Variants in NIN observed in about 807,000 individuals in gnomAD.
NIN encodes the protein ninein.
A neutral mutation model predicts 257.6 loss-of-function variants in NIN; 137 were observed. The observed-to-expected ratio is 0.53, with a 90% CI of 0.46 to 0.61. The LOEUF (loss-of-function observed/expected upper bound fraction) is 0.61. NIN is among the 20% of genes least tolerant of loss of function. The pLI is 0.00. For synonymous variants in NIN, 918 were observed against 919.8 expected (o/e 1.00, Z 0.04); for missense variants, 2,439 against 2,501.2 (o/e 0.98, Z 0.53).
intron 22 of NIN, among the ~76,000 whole-genome samples, chr14:50,746,868 CT>C (rs1471497922): frequency 6.6e-6 from 1 of 151,672 alleles, no homozygotes; most frequent in Non-Finnish European, 1.5e-5. Context: ...TTCTTTCTTT[CT>C]TTTTTGAGAC....
In NIN at chr14:50,744,341, CAG is replaced by C. The variant is rs753003135; in HGVS notation, c.5087_5088del (p.Ser1696Ter). 2 of 1,614,004 alleles carry C rather than the reference CAG, an allele frequency of 1.2e-6. No homozygotes were observed. The highest frequency in any genetic ancestry group is 2.2e-5 in the South Asian group (2 of 91,050). On this transcript the variant is annotated frameshift_variant, in exon 23 of 31. Coordinates refer to ENST00000530997, the MANE Select transcript of NIN (RefSeq NM_020921.4). LOFTEE classifies it high-confidence loss of function. ...MKQLHRCPDL[S>X]DFQQKISSVL... is the part of the protein sequence containing the mutation. Reference sequence around the variant, plus strand: ...ACACTAGAGATTTTTTGCTGGAAGTCAGAGAGATCGGGACATCTGTGCAGCTG... The same window carrying C: ...ACACTAGAGATTTTTTGCTGGAAGTCAGAGATCGGGACATCTGTGCAGCTG...
At chr14:50,734,700 G>C (rs1427610027) in intron 28 of NIN, among the ~76,000 whole-genome samples, 1 of 151,948 alleles carries the variant, frequency 6.6e-6, no homozygotes, top group African/African-American at 2.4e-5. Context: ...TTCTTTTTGA[G>C]ACAGGGTCTC....
rs574261277 is a variant in NIN, at chr14:50,719,980, C to T, written c.*3483G>A. The T allele has an allele frequency of 1.8e-5, 4 of 216,696 alleles. No homozygotes were observed. The highest frequency in any genetic ancestry group is 1.7e-4 in the Admixed American group (3 of 17,192). 13.4% of individuals were successfully genotyped at this position (216,696 alleles called of 1,614,324 possible). A position where few individuals can be genotyped will look rare whatever the true frequency, so the allele number is the denominator to read the frequency against. On this transcript the variant is annotated 3_prime_UTR_variant, in exon 31 of 31. Coordinates refer to ENST00000530997, the MANE Select transcript of NIN (RefSeq NM_020921.4). Reference sequence around the variant, plus strand: ...CTTTAGATAATCTGTTTTTCCTTCACAAACCAATGTTCCCTTAAGTCATGC... The same window carrying T: ...CTTTAGATAATCTGTTTTTCCTTCATAAACCAATGTTCCCTTAAGTCATGC...
At chr14:50,755,812 G>A (rs1447143536) in intron 18 of NIN, among the ~76,000 whole-genome samples, 2 of 151,836 alleles carry the variant, frequency 1.3e-5, no homozygotes, top group East Asian at 1.9e-4. Flanking sequence ...CCACAGGTGT[G>A]CACCACCACG....
chr14:50,810,144 T>C (rs1429531435), intron 3 of NIN, among the ~76,000 whole-genome samples: 1 of 146,500 alleles, frequency 6.8e-6, no homozygotes, highest in Non-Finnish European at 1.5e-5. Flanking sequence ...GGCAGGAGAA[T>C]GGCATGAACC....
At chr14:50,724,971 G>C (rs1595686753) in intron 30 of NIN, among the ~76,000 whole-genome samples, 1 of 152,162 alleles carries the variant, frequency 6.6e-6, no homozygotes, top group East Asian at 1.9e-4. Flanking sequence ...TTGGCACCTT[G>C]TAAGTGCATT....
At chr14:50,828,051 T>A (rs1414056808) in intron 2 of NIN, among the ~76,000 whole-genome samples, 1 of 148,532 alleles carries the variant, frequency 6.7e-6, no homozygotes, top group African/African-American at 2.5e-5. Context: ...TAACCTGTAA[T>A]CAACTACTAA....
At chr14:50,735,097 C>G (rs1365097034) in intron 28 of NIN, among the ~76,000 whole-genome samples, 2 of 152,150 alleles carry the variant, frequency 1.3e-5, no homozygotes, top group Non-Finnish European at 2.9e-5. Context: ...AATGTTAATG[C>G]TCTCAAATTT....
At chr14:50,809,995 G>A (rs542429907) in intron 3 of NIN, among the ~76,000 whole-genome samples, 1 of 152,126 alleles carries the variant, frequency 6.6e-6, no homozygotes, top group Non-Finnish European at 1.5e-5. Flanking sequence ...ACTTTGGGAG[G>A]CCAAGGCGGG....
At position 50,757,898 on chromosome 14, in the gene NIN, C is replaced by T. The variant is rs753027165; in HGVS notation, c.3132G>A (p.Val1044=). 5.0e-6 allele frequency: 8 copies of T among 1,614,182 alleles called. No homozygotes were observed. Among genetic ancestry groups the T allele is most frequent in the South Asian group, 3.3e-5 (3 of 91,082 alleles). The change falls in exon 18 of 31, where the codon GTG becomes GTA. Residue 1044 remains valine (V), a synonymous_variant. Coordinates refer to ENST00000530997, the MANE Select transcript of NIN (RefSeq NM_020921.4). Reference sequence around the variant, plus strand: ...GCAGGGACAGGGCTCCATCTCCTTCCACCTCCTCCTCTCCTATCACCTGGC... The same window carrying T: ...GCAGGGACAGGGCTCCATCTCCTTCTACCTCCTCCTCTCCTATCACCTGGC... The part of the protein sequence containing the change: ...SGCQVIGEEE[V]EGDGALSLLQ...
At chr14:50,736,517 T>C (rs1052644837) in intron 27 of NIN, among the ~76,000 whole-genome samples, 4 of 152,134 alleles carry the variant, frequency 2.6e-5, no homozygotes, top group African/African-American at 9.7e-5. Flanking sequence ...GTAAAAAACA[T>C]ACAACACTAT....
chr14:50,829,288 A>G (rs1358113646), intron 2 of NIN, among the ~76,000 whole-genome samples: 2 of 152,224 alleles, frequency 1.3e-5, no homozygotes, highest in African/African-American at 4.8e-5. Context: ...CTCCGGAGCA[A>G]GAGCCACCAA....
In NIN at chr14:50,768,052, A is replaced by AACACAC. The variant is rs61028485; in HGVS notation, c.1435-1168_1435-1163dup. On this transcript the variant is annotated intron_variant, in intron 12 of 30. Coordinates refer to ENST00000530997, the MANE Select transcript of NIN (RefSeq NM_020921.4). The stretch of plus-strand genomic sequence containing the variant: ...AGAAAGATTTCCAACCACATTTGCC[A>AACACAC]ACACACACACACACACACACACACA... Among the ~76,000 whole-genome samples the AACACAC allele has an allele frequency of 1.0e-3, 146 of 139,064 alleles. 1 individual carries two copies. Among genetic ancestry groups the AACACAC allele is most frequent in the Admixed American group, 6.4e-3 (90 of 13,956 alleles). 91.2% of individuals were successfully genotyped at this position (139,064 alleles called of 152,430 possible).
chr14:50,730,826 T>C, intron 28 of NIN: 1 of 935,244 alleles, frequency 1.1e-6, no homozygotes, highest in Non-Finnish European at 1.4e-6. Flanking sequence ...TTTCCTTAAG[T>C]ACTTATTAAC....
intron 28 of NIN, among the ~76,000 whole-genome samples, chr14:50,734,519 T>A (rs1296188426): frequency 6.6e-6 from 1 of 152,246 alleles, no homozygotes; most frequent in Non-Finnish European, 1.5e-5. Flanking sequence ...AATGTTAGAT[T>A]AACTAATTTC....
At chr14:50,766,244 C>A in intron 14 of NIN, 63 bp downstream of exon 14, 1 of 1,248,192 alleles carries the variant, frequency 8.0e-7, no homozygotes, top group Non-Finnish European at 1.2e-6. Context: ...AGCTAGGGAA[C>A]GGGGAAGCTG....
Position 50,776,989 on chromosome 14 carries a change from G to C in NIN, c.626C>G (p.Ser209Cys). The C allele has an allele frequency of 6.2e-7, 1 of 1,614,088 alleles. No homozygotes were observed. Among genetic ancestry groups the C allele is most frequent in the Non-Finnish European group, 8.5e-7 (1 of 1,179,992 alleles). ...DGHLNRKKLV[S>C]ICEQYGLQNV... ...CTGTAAACCATACTGCTCACAGATG[G>C]AGACCAGCTTCTTCCGGTTCAGGTG... Residue 209 changes from serine to cysteine, a missense_variant, in exon 7 of 31, where the codon TCC becomes TGC. Physicochemically the swap from Ser to Cys is moderately radical, Grantham distance 112 (BLOSUM62 -1). Around this residue, in one of 3 missense-constraint regions of NIN, gnomAD observed 387 missense variants for 427.3 expected, o/e 0.91. Coordinates refer to ENST00000530997, the MANE Select transcript of NIN (RefSeq NM_020921.4).
Position 50,720,316 on chromosome 14 carries a change from A to G in NIN, c.*3147T>C, listed in dbSNP as rs2040246873. The G allele has an allele frequency of 4.5e-6, 1 of 220,396 alleles. No homozygotes were observed. Among genetic ancestry groups the G allele is most frequent in the Non-Finnish European group, 9.1e-6 (1 of 110,062 alleles). The allele number at this position is 220,396 out of a possible 1,614,324, so 13.7% of individuals were successfully genotyped here. On this transcript the variant is annotated 3_prime_UTR_variant, in exon 31 of 31. Coordinates refer to ENST00000530997, the MANE Select transcript of NIN (RefSeq NM_020921.4). ...GCACTTAGCCTTGCCTTGACTGGAA[A>G]TACCTTTAAGATGCTGACAATAGCA...
chr14:50,741,887 G>A, intron 24 of NIN, 159 bp from the exon 25 acceptor site: 2 of 651,182 alleles, frequency 3.1e-6, no homozygotes. Flanking sequence ...ACCTAGGACA[G>A]TAGGTATATT....
Sources: allele counts gnomAD v4.1 joint callset (sites outside exome capture counted in the v4.1 genomes callset), GRCh38; gene constraint gnomAD v4.1.1; regional missense constraint gnomAD v4.1.1; transcripts MANE v1.5; gene names NCBI Gene and HGNC (gene_info 2026-07-23, HGNC 2026-07-21).